SGCD: variants seen among roughly 807,000 people sequenced by gnomAD.
SGCD encodes delta-sarcoglycan.
In SGCD, 18 loss-of-function variants were observed where a neutral mutation model predicts 36.6. That is an observed-to-expected ratio of 0.49 (90% CI 0.34 to 0.73). The LOEUF is 0.73. SGCD is among the 30% of genes least tolerant of loss of function. The pLI, the probability that SGCD is intolerant of heterozygous loss-of-function variation, is 0.01. For missense variants in SGCD, 387 were observed against 346.7 expected (o/e 1.12, Z -0.92); for synonymous variants, 133 against 130.6 (o/e 1.02, Z -0.12).
At chr5:155,771,941 G>C in the SGCD span, among the ~76,000 whole-genome samples, 396 of 152,270 alleles carry the variant, frequency 2.6e-3, 2 homozygotes, top group Non-Finnish European at 4.9e-3. Context: ...AATAAAAGCT[G>C]CTTATTCGAT....
At chr5:156,088,367 A>G (rs1761154682) in intron 1 of SGCD, among the ~76,000 whole-genome samples, 1 of 152,078 alleles carries the variant, frequency 6.6e-6, no homozygotes, top group African/African-American at 2.4e-5. Flanking sequence ...ATTGGGCTGT[A>G]TCTTTTCCAG....
chr5:156,205,187 G>T (rs1187671311), intron 3 of SGCD, among the ~76,000 whole-genome samples: 1 of 151,944 alleles, frequency 6.6e-6, no homozygotes, highest in Non-Finnish European at 1.5e-5. Flanking sequence ...CTGCTTATCT[G>T]GTCACTTTCT....
chr5:155,860,021 A>T, the SGCD span, among the ~76,000 whole-genome samples: 1 of 152,340 alleles, frequency 6.6e-6, no homozygotes, highest in Non-Finnish European at 1.5e-5. Context: ...CTCTAGAGGC[A>T]CAGCCCCTCT....
chr5:156,575,029 A>G (rs1759873761), intron 4 of SGCD, among the ~76,000 whole-genome samples: 1 of 152,156 alleles, frequency 6.6e-6, no homozygotes, highest in South Asian at 2.1e-4. Flanking sequence ...GGCCACTGCA[A>G]GGCCAAGAAC....
chr5:155,740,276 C>T, the SGCD span, among the ~76,000 whole-genome samples: 2 of 152,054 alleles, frequency 1.3e-5, no homozygotes, highest in African/African-American at 4.8e-5. Flanking sequence ...TTTTTAGGAA[C>T]AAAAGTATCT....
intron 4 of SGCD, 53 bp downstream of exon 4, chr5:156,508,755 T>G: frequency 9.5e-7 from 1 of 1,057,744 alleles, no homozygotes; most frequent in Non-Finnish European, 1.4e-6. Context: ...AATCTAAATC[T>G]GGAGGAATTG....
chr5:156,197,737 T>G (rs1466841524), intron 3 of SGCD, among the ~76,000 whole-genome samples: 2 of 152,108 alleles, frequency 1.3e-5, no homozygotes, highest in African/African-American at 2.4e-5. Flanking sequence ...TTTTTATCTC[T>G]CCCAAATTCT....
the SGCD span, among the ~76,000 whole-genome samples, chr5:155,764,183 G>T: frequency 0.07 from 10,588 of 152,094 alleles, 437 homozygotes; most frequent in African/African-American, 0.1. Context: ...ATATGCAAAA[G>T]ATAATTCCAG....
chr5:156,419,796 A>T (rs976320297), intron 3 of SGCD, among the ~76,000 whole-genome samples: 7 of 152,176 alleles, frequency 4.6e-5, no homozygotes, highest in African/African-American at 1.7e-4. Context: ...ACCTAGGCCT[A>T]TTCCCATGGT....
intron 3 of SGCD, among the ~76,000 whole-genome samples, chr5:156,178,303 G>C (rs1763520223): frequency 6.6e-6 from 1 of 152,154 alleles, no homozygotes; most frequent in African/African-American, 2.4e-5. Context: ...ATGCTGTTTT[G>C]ATAATGCTTC....
chr5:156,448,137 T>A (rs1753826998), intron 3 of SGCD, among the ~76,000 whole-genome samples: 1 of 152,158 alleles, frequency 6.6e-6, no homozygotes, highest in African/African-American at 2.4e-5. Flanking sequence ...TTTTCTGTAT[T>A]TGTTGAAATC....
chr5:155,971,385 G>A (rs889345134), intron 1 of SGCD, among the ~76,000 whole-genome samples: 5 of 152,078 alleles, frequency 3.3e-5, no homozygotes, highest in African/African-American at 1.2e-4. Context: ...TAATGTTAGC[G>A]ACAGCTCCTA....
chr5:156,461,817 T>C (rs1334083109), intron 3 of SGCD, among the ~76,000 whole-genome samples: 2 of 152,140 alleles, frequency 1.3e-5, no homozygotes, highest in African/African-American at 4.8e-5. Context: ...TCTGAAAATA[T>C]CCTTTGTGAC....
At chr5:156,071,778 A>C (rs1345246112) in intron 1 of SGCD, among the ~76,000 whole-genome samples, 1 of 152,176 alleles carries the variant, frequency 6.6e-6, no homozygotes, top group East Asian at 1.9e-4. Flanking sequence ...ATCTCTTTGT[A>C]GGTCACTCAG....
intron 3 of SGCD, among the ~76,000 whole-genome samples, chr5:156,237,972 G>C (rs866993808): frequency 1.3e-4 from 19 of 150,134 alleles, no homozygotes; most frequent in African/African-American, 4.7e-4. Flanking sequence ...TTTTGAGACA[G>C]AGTCTCACTC....
chr5:156,356,783 A>T (rs1274908389), intron 3 of SGCD, among the ~76,000 whole-genome samples: 1 of 152,210 alleles, frequency 6.6e-6, no homozygotes, highest in Non-Finnish European at 1.5e-5. Context: ...TTCCTGGATT[A>T]CCCAGGTGGG....
At chr5:156,740,607 G>T (rs1311624857) in intron 7 of SGCD, among the ~76,000 whole-genome samples, 1 of 152,142 alleles carries the variant, frequency 6.6e-6, no homozygotes, top group South Asian at 2.1e-4. Context: ...AGCTATTGGG[G>T]TTTTAACTTG....
chr5:155,772,724 C>T, the SGCD span, among the ~76,000 whole-genome samples: 1 of 151,788 alleles, frequency 6.6e-6, no homozygotes, highest in Admixed American at 6.6e-5. Flanking sequence ...TAACTGGGTA[C>T]CCCCATTTTT....
chr5:156,742,798 TAGGC>T lies in SGCD; in HGVS notation c.576-14769_576-14766del, dbSNP rs550697906. Among the ~76,000 whole-genome samples the T allele has an allele frequency of 3.3e-3, 496 of 152,262 alleles. 5 individuals are homozygous for T. The highest frequency in any genetic ancestry group is 0.011 in the African/African-American group (463 of 41,568). On this transcript the variant is annotated intron_variant, in intron 7 of 8. Transcript: ENST00000337851. ...GAAGGCAGAAGACTAATGTCTCAAG[TAGGC>T]AGGCAGGCAGGCAACGTTATCTCTT...
Sources: gnomAD v4.1 joint callset for allele counts (sites outside exome capture counted in the v4.1 genomes callset) on GRCh38, gnomAD v4.1.1 for gene constraint, MANE v1.5 for transcripts, NCBI Gene and HGNC (gene_info 2026-07-23, HGNC 2026-07-21) for gene names.